Variants in MAP2K5 observed in about 807,000 individuals in gnomAD.
The protein encoded by MAP2K5 is dual specificity mitogen-activated protein kinase kinase 5.
In MAP2K5, 49 loss-of-function variants were observed where a neutral mutation model predicts 83.1. The ratio of observed to expected loss-of-function variants is 0.59; its 90% confidence interval spans 0.47 to 0.75. The LOEUF (loss-of-function observed/expected upper bound fraction) is 0.75. Ranked by LOEUF, MAP2K5 falls within the 30% of genes least tolerant of loss-of-function variation. The probability of loss-of-function intolerance (pLI) is 0.00; values close to 1 mark genes in which losing one functional copy is unlikely to be tolerated. For missense variants in MAP2K5, 457 were observed against 557.5 expected, an observed-to-expected ratio of 0.82 and a Z score of 1.82; for synonymous variants, 202 against 191.8, an observed-to-expected ratio of 1.05 and a Z score of -0.44.
At chr15:67,699,564 G>A (rs534013427) in intron 15 of MAP2K5, among the ~76,000 whole-genome samples, 1 of 152,278 alleles carries the variant, frequency 6.6e-6, no homozygotes, top group Non-Finnish European at 1.5e-5. Context: ...ACGTGTCCTA[G>A]GTTGGACAAG....
Position 67,782,910 on chromosome 15 carries a change from C to A in MAP2K5, c.1242+10158C>A, listed in dbSNP as rs1385061107. On this transcript the variant is annotated intron_variant, in intron 21 of 21. Coordinates refer to ENST00000178640, the MANE Select transcript of MAP2K5 (RefSeq NM_145160.3). This position sits in a 1 kb window ranked among gnomAD's most constrained non-coding sequence, Gnocchi z 4.9. ...TCTCCTTCCTGCCTTCAGAAACGGC[C>A]CCCTTTTCAGCTCTCCTGTGCAGGC... 6.6e-6 allele frequency among the ~76,000 whole-genome samples: 1 copy of A among 152,218 alleles called. No individual in the cohort carries two copies. The highest frequency in any genetic ancestry group is 2.4e-5 in the African/African-American group (1 of 41,456).
chr15:67,695,511 C>T (rs2088230537), intron 15 of MAP2K5, among the ~76,000 whole-genome samples: 1 of 152,112 alleles, frequency 6.6e-6, no homozygotes, highest in African/African-American at 2.4e-5. Flanking sequence ...CTTCCTCTAC[C>T]AAGTTAGGTG....
rs1467813658 is a variant in MAP2K5, at chr15:67,790,469, G to A, written c.1243-16177G>A. Among the ~76,000 whole-genome samples the A allele has an allele frequency of 6.6e-6, 1 of 152,110 alleles. No individual in the cohort carries two copies. Among genetic ancestry groups the A allele is most frequent in the Non-Finnish European group, 1.5e-5 (1 of 68,008 alleles). On this transcript the variant is annotated intron_variant, in intron 21 of 21. Transcript: ENST00000178640. This position sits in a 1 kb window ranked among gnomAD's most constrained non-coding sequence, Gnocchi z 4.6. ...AACTGTATTTGAAATGCTGTCTGAGGGCACTGCCGTCTTGTCTGTAGGCTG... is the reference window on the plus strand; with the variant it reads ...AACTGTATTTGAAATGCTGTCTGAGAGCACTGCCGTCTTGTCTGTAGGCTG...
At chr15:67,682,417 G>A (rs2087839245) in intron 13 of MAP2K5, among the ~76,000 whole-genome samples, 1 of 151,858 alleles carries the variant, frequency 6.6e-6, no homozygotes, top group Admixed American at 6.5e-5. Flanking sequence ...TAAAGACAGG[G>A]TTTTGCCACG....
chr15:67,643,260 A>G (rs1240039340), intron 9 of MAP2K5, among the ~76,000 whole-genome samples: 1 of 152,206 alleles, frequency 6.6e-6, no homozygotes, highest in Admixed American at 6.5e-5. Context: ...GTAGTATTTT[A>G]TGCTATAGGA....
intron 17 of MAP2K5, among the ~76,000 whole-genome samples, chr15:67,742,176 C>T (rs1237732483): frequency 3.9e-5 from 6 of 152,212 alleles, no homozygotes; most frequent in South Asian, 2.1e-4. Flanking sequence ...CAGGCGTGAG[C>T]CACTGCGCCC....
chr15:67,605,725 A>G (rs1356540594), intron 8 of MAP2K5, among the ~76,000 whole-genome samples: 1 of 151,978 alleles, frequency 6.6e-6, no homozygotes, highest in Non-Finnish European at 1.5e-5. Flanking sequence ...AGCAGAGTCC[A>G]TTTTGTTTTC....
In MAP2K5 at chr15:67,665,144, A is replaced by G. The variant is rs999356421; in HGVS notation, c.847+499A>G. On this transcript the variant is annotated intron_variant, in intron 13 of 21. Coordinates refer to ENST00000178640, the MANE Select transcript of MAP2K5 (RefSeq NM_145160.3). The surrounding 1 kb of genome is among the most constrained non-coding windows in gnomAD (Gnocchi z 4.2). Reference sequence around the variant, plus strand: ...CAGTCCTCCTACCTTGGCCTCCCAGAGTGCTAGGATTCAGGCGGGAGCCAC... The same window carrying G: ...CAGTCCTCCTACCTTGGCCTCCCAGGGTGCTAGGATTCAGGCGGGAGCCAC... Among the ~76,000 whole-genome samples, 2 of 152,140 alleles carry G rather than the reference A, an allele frequency of 1.3e-5. No individual in the cohort carries two copies. Among genetic ancestry groups the G allele is most frequent in the African/African-American group, 4.8e-5 (2 of 41,444 alleles).
intron 9 of MAP2K5, among the ~76,000 whole-genome samples, chr15:67,632,166 C>G (rs2086490113): frequency 6.8e-6 from 1 of 147,800 alleles, no homozygotes; most frequent in Admixed American, 6.9e-5. Flanking sequence ...GTGGCGTGAT[C>G]TAGGCTCACT....
Position 67,639,942 on chromosome 15 carries a change from C to T in MAP2K5, c.586-6289C>T, listed in dbSNP as rs2086679396. Among the ~76,000 whole-genome samples, 6 of 152,320 alleles carry T rather than the reference C, an allele frequency of 3.9e-5. No individual in the cohort carries two copies. In the South Asian group the frequency reaches 1.2e-3, roughly 32 times the overall value. On this transcript the variant is annotated intron_variant, in intron 9 of 21. Coordinates refer to ENST00000178640, the MANE Select transcript of MAP2K5 (RefSeq NM_145160.3). ...GAACTTTTCTGGATAAGCCCTGTCA[C>T]ATATGGTCTATCTCTCACTCACTCA...
At chr15:67,694,774 A>T (rs926319771) in intron 15 of MAP2K5, among the ~76,000 whole-genome samples, 16 of 152,218 alleles carry the variant, frequency 1.1e-4, no homozygotes, top group Admixed American at 8.5e-4. Context: ...TACCCAAAGG[A>T]TTATAAATCA....
chr15:67,729,615 A>C (rs1008512397), intron 17 of MAP2K5, among the ~76,000 whole-genome samples: 4 of 141,530 alleles, frequency 2.8e-5, no homozygotes, highest in Non-Finnish European at 4.6e-5. Flanking sequence ...CTAAAAATAC[A>C]AAAAAAAAAA....
At chr15:67,599,164 C>T (rs2085595056) in intron 7 of MAP2K5, among the ~76,000 whole-genome samples, 1 of 152,142 alleles carries the variant, frequency 6.6e-6, no homozygotes, top group Non-Finnish European at 1.5e-5. Flanking sequence ...TTATGCCACA[C>T]CTTTTATACA....
At chr15:67,574,981 G>T (rs1216715460) in intron 3 of MAP2K5, among the ~76,000 whole-genome samples, 1 of 152,178 alleles carries the variant, frequency 6.6e-6, no homozygotes, top group Non-Finnish European at 1.5e-5. Context: ...GGGAAACAGG[G>T]TCATAGTGAT....
Position 67,563,395 on chromosome 15 carries a change from G to T in MAP2K5, c.252+45G>T, listed in dbSNP as rs2084778209. Reference sequence around the variant, plus strand: ...AGACTATTTTTTAAAATCTTAACGTGATTGAGGATGCTGTTTCTTGGGCAT... The same window carrying T: ...AGACTATTTTTTAAAATCTTAACGTTATTGAGGATGCTGTTTCTTGGGCAT... On this transcript the variant is annotated intron_variant, in intron 3 of 21. Coordinates refer to ENST00000178640, the MANE Select transcript of MAP2K5 (RefSeq NM_145160.3). The surrounding 1 kb of genome is among the most constrained non-coding windows in gnomAD (Gnocchi z 4.5). The T allele has an allele frequency of 6.3e-7, 1 of 1,577,862 alleles. No homozygotes were observed. The highest frequency in any genetic ancestry group is 8.6e-7 in the Non-Finnish European group (1 of 1,163,676).
At chr15:67,590,401 T>C in intron 6 of MAP2K5, among the ~76,000 whole-genome samples, 1 of 103,834 alleles carries the variant, frequency 9.6e-6, no homozygotes, top group African/African-American at 3.4e-5. Flanking sequence ...TCTTGCTCCT[T>C]CCTTCCTCCC....
chr15:67,718,350 C>T lies in MAP2K5; in HGVS notation c.1045-9566C>T, dbSNP rs2088874425. On this transcript the variant is annotated intron_variant, in intron 16 of 21. Transcript: ENST00000178640. ...CCTGCTGTCAGAGGACACAGGTCAGCGTTACACAAACTTTTTAAAAGGGTG... is the reference window on the plus strand; with the variant it reads ...CCTGCTGTCAGAGGACACAGGTCAGTGTTACACAAACTTTTTAAAAGGGTG... Among the ~76,000 whole-genome samples, 4 of 152,224 alleles carry T rather than the reference C, an allele frequency of 2.6e-5. 1 individual carries two copies. The South Asian group carries it at 6.2e-4, about 24-fold the overall frequency.
At position 67,637,549 on chromosome 15, in the gene MAP2K5, C is replaced by G. The variant is rs2086628479; in HGVS notation, c.585+6622C>G. On this transcript the variant is annotated intron_variant, in intron 9 of 21. Transcript: ENST00000178640. This position sits in a 1 kb window ranked among gnomAD's most constrained non-coding sequence, Gnocchi z 4.5. ...TAATCTGGAGATCGTTTCTTCTGAGCCTTTCTAGTGGTTCTCTCCCTGGCC... is the reference window on the plus strand; with the variant it reads ...TAATCTGGAGATCGTTTCTTCTGAGGCTTTCTAGTGGTTCTCTCCCTGGCC... Among the ~76,000 whole-genome samples the G allele has an allele frequency of 6.6e-6, 1 of 152,062 alleles. No homozygotes were observed. Among genetic ancestry groups the G allele is most frequent in the Non-Finnish European group, 1.5e-5 (1 of 68,006 alleles).
rs181879575 is a variant in MAP2K5 at position 67,715,829 on chromosome 15, A to G, written c.1045-12087A>G. On this transcript the variant is annotated intron_variant, in intron 16 of 21. Coordinates refer to ENST00000178640, the MANE Select transcript of MAP2K5 (RefSeq NM_145160.3). ...AAATAATAAACTCCCATGACTTTCT[A>G]TTCAGTATAAAGAAGGATTTTCTGA... 7.7e-4 allele frequency among the ~76,000 whole-genome samples: 118 copies of G among 152,322 alleles called. 1 individual carries two copies. Among genetic ancestry groups the G allele is most frequent in the East Asian group, 6.9e-3 (36 of 5,186 alleles).
Sources: allele counts gnomAD v4.1 joint callset (sites outside exome capture counted in the v4.1 genomes callset), GRCh38; gene constraint gnomAD v4.1.1; non-coding constraint Gnocchi (gnomAD v3.1); transcripts MANE v1.5; gene names NCBI Gene and HGNC (gene_info 2026-07-23, HGNC 2026-07-21).